CNOT6L: variants seen among roughly 807,000 people sequenced by gnomAD.
CNOT6L encodes CCR4-NOT transcription complex subunit 6 like.
In CNOT6L, 7 loss-of-function variants were observed where a neutral mutation model predicts 64.0. The observed-to-expected ratio is 0.11, with a 90% CI of 0.06 to 0.21. The LOEUF is 0.21. Ranked by LOEUF, CNOT6L falls within the 10% of genes least tolerant of loss-of-function variation. CNOT6L has a pLI of 1.00. For missense variants in CNOT6L, 245 were observed against 669.0 expected, an observed-to-expected ratio of 0.37 and a Z score of 6.99; for synonymous variants, 193 against 243.4, an observed-to-expected ratio of 0.79 and a Z score of 1.93.
chr4:77,819,398 C>G (rs1462007567), upstream of CNOT6L: 14 of 1,606,068 alleles, frequency 8.7e-6, no homozygotes, highest in Admixed American at 8.4e-5. Context: ...CGCACCAGGC[C>G]CCCACAGATG....
At chr4:77,774,345 C>T (rs1209633950) in intron 3 of CNOT6L, among the ~76,000 whole-genome samples, 185 bp downstream of exon 3, 2 of 152,148 alleles carry the variant, frequency 1.3e-5, no homozygotes, top group East Asian at 3.9e-4. Context: ...CACTCTAATT[C>T]AGGAACCTCC....
At chr4:77,790,875 G>T (rs1337366181) in intron 1 of CNOT6L, among the ~76,000 whole-genome samples, 1 of 149,866 alleles carries the variant, frequency 6.7e-6, no homozygotes, top group African/African-American at 2.5e-5. Flanking sequence ...GGCCAGGCTG[G>T]TCTCGAACAC....
chr4:77,737,874 A>T (rs1271946674), intron 8 of CNOT6L, among the ~76,000 whole-genome samples: 93 of 152,336 alleles, frequency 6.1e-4, no homozygotes, highest in African/African-American at 2.2e-3. Flanking sequence ...AGAAATTACC[A>T]GAAGAGTACA....
In CNOT6L at chr4:77,715,034, T is replaced by C. The variant is rs1351768922; in HGVS notation, c.*5397A>G. ...AAGACAATACATCAGTGATTTGAAGTTAATACGAAACTGAAATGAGCAAGA... is the reference window on the plus strand; with the variant it reads ...AAGACAATACATCAGTGATTTGAAGCTAATACGAAACTGAAATGAGCAAGA... On this transcript the variant is annotated 3_prime_UTR_variant, in exon 12 of 12. Transcript: ENST00000504123. 2 of 152,152 alleles carry C rather than the reference T, an allele frequency of 1.3e-5. No individual in the cohort carries two copies. Among genetic ancestry groups the C allele is most frequent in the African/African-American group, 4.8e-5 (2 of 41,420 alleles). The allele number at this position is 152,152 out of a possible 1,614,324, so 9.4% of individuals were successfully genotyped here. A position where few individuals can be genotyped will look rare whatever the true frequency, so the allele number is the denominator to read the frequency against.
chr4:77,815,156 C>A (rs1353803280), intron 1 of CNOT6L, among the ~76,000 whole-genome samples: 2 of 151,920 alleles, frequency 1.3e-5, no homozygotes, highest in Admixed American at 1.3e-4. Flanking sequence ...GAAGAAAATT[C>A]AAAAAATGTG....
intron 1 of CNOT6L, among the ~76,000 whole-genome samples, chr4:77,793,855 AATTTTAT>A (rs1278417534): frequency 6.6e-5 from 10 of 152,094 alleles, no homozygotes; most frequent in Non-Finnish European, 1.2e-4. Context: ...AATTTTTGTT[AATTTTAT>A]ATAGCCAGCT....
At position 77,748,380 on chromosome 4, in the gene CNOT6L, A is replaced by T; in HGVS notation, c.495T>A (p.His165Gln). The change falls in exon 6 of 12, where the codon CAT (histidine) becomes CAA (glutamine). Residue 165 changes from histidine (H) to glutamine (Q), a missense_variant. Physicochemically the swap from His to Gln is conservative, Grantham distance 24. Around this residue, in one of 10 missense-constraint regions of CNOT6L, gnomAD observed 94 missense variants for 290.9 expected, o/e 0.32. Transcript: ENST00000504123. ...LNFMLDNLAVHPEQLPPRPWI... is the reference protein window; with the variant it reads ...LNFMLDNLAVQPEQLPPRPWI... ...ATGGCCTCGGAGGAAGCTGCTCTGG[A>T]TGAACTGAAAAAAATTTTGTAAATA... The T allele has an allele frequency of 6.2e-7, 1 of 1,610,246 alleles. No homozygotes were observed. The highest frequency in any genetic ancestry group is 8.5e-7 in the Non-Finnish European group (1 of 1,177,284).
chr4:77,714,388 GACCAAC>G lies in CNOT6L; in HGVS notation c.*6037_*6042del, dbSNP rs1461844190. ...ATATAAATTAATCGATGGTGAATTT[GACCAAC>G]ACCCTGGCCCTTATAGAGAGAAAAA... On this transcript the variant is annotated 3_prime_UTR_variant, in exon 12 of 12. Transcript: ENST00000504123. The G allele has an allele frequency of 7.5e-6, 1 of 132,588 alleles. No homozygotes were observed. The highest frequency in any genetic ancestry group is 1.6e-5 in the Non-Finnish European group (1 of 62,774). 8.2% of individuals were successfully genotyped at this position (132,588 alleles called of 1,614,324 possible). A position where few individuals can be genotyped will look rare whatever the true frequency, so the allele number is the denominator to read the frequency against.
intron 8 of CNOT6L, among the ~76,000 whole-genome samples, chr4:77,732,745 C>G (rs1722582203): frequency 6.6e-6 from 1 of 151,936 alleles, no homozygotes; most frequent in African/African-American, 2.4e-5. Flanking sequence ...TTAAGAGCAT[C>G]CCAGGTAGAA....
At chr4:77,732,397 C>CTAAA (rs1722543788) in intron 8 of CNOT6L, among the ~76,000 whole-genome samples, 1 of 152,044 alleles carries the variant, frequency 6.6e-6, no homozygotes, top group Admixed American at 6.6e-5. Flanking sequence ...TCAAAACCTA[C>CTAAA]TAAATACATT....
upstream of CNOT6L, chr4:77,819,456 C>A: frequency 1.3e-6 from 2 of 1,514,936 alleles, no homozygotes; most frequent in Non-Finnish European, 1.8e-6. Context: ...AACACAAACA[C>A]CCACGGCGGG....
rs34864447 is a variant in CNOT6L, at chr4:77,811,874, TAAAAAAAAAAA to T, written c.5+7419_5+7429del. Among the ~76,000 whole-genome samples the T allele has an allele frequency of 2.3e-3, 319 of 140,938 alleles. 1 individual carries two copies. Among genetic ancestry groups the T allele is most frequent in the Admixed American group, 5.0e-3 (72 of 14,330 alleles). 92.5% of individuals were successfully genotyped at this position (140,938 alleles called of 152,430 possible). A position where few individuals can be genotyped will look rare whatever the true frequency, so the allele number is the denominator to read the frequency against. On this transcript the variant is annotated intron_variant, in intron 1 of 11. Coordinates refer to ENST00000504123, the MANE Select transcript of CNOT6L (RefSeq NM_144571.3). ...TAGCCTTTCTCCGCAAGGAGCAGTT[TAAAAAAAAAAA>T]AAAAAAAAATCACAGCTAACATCTA...
At chr4:77,794,017 T>C (rs1730487023) in intron 1 of CNOT6L, among the ~76,000 whole-genome samples, 1 of 151,080 alleles carries the variant, frequency 6.6e-6, no homozygotes, top group South Asian at 2.1e-4. Context: ...CCGGGCATGG[T>C]AGTGGGCACC....
At chr4:77,723,282 ATGAATC>A (rs1159063276) in intron 11 of CNOT6L, among the ~76,000 whole-genome samples, 1 of 152,198 alleles carries the variant, frequency 6.6e-6, no homozygotes, top group Non-Finnish European at 1.5e-5. Flanking sequence ...TTGCAATTAA[ATGAATC>A]TGAGCTCTAA....
intron 4 of CNOT6L, among the ~76,000 whole-genome samples, chr4:77,760,941 C>G (rs1050964663): frequency 7.5e-6 from 1 of 132,994 alleles, no homozygotes; most frequent in African/African-American, 2.8e-5. Flanking sequence ...TGGTCTTGAT[C>G]TCCTGACCTC....
intron 1 of CNOT6L, among the ~76,000 whole-genome samples, chr4:77,781,875 C>T (rs1220448426): frequency 6.6e-6 from 1 of 152,238 alleles, no homozygotes. Context: ...AAAAATCCTA[C>T]AAGCACCAGA....
chr4:77,781,285 C>T (rs1222028198), intron 1 of CNOT6L, among the ~76,000 whole-genome samples: 1 of 152,072 alleles, frequency 6.6e-6, no homozygotes, highest in African/African-American at 2.4e-5. Context: ...CACTATGGGA[C>T]ATACATACCT....
At chr4:77,797,633 C>A (rs1731020737) in intron 1 of CNOT6L, among the ~76,000 whole-genome samples, 1 of 151,990 alleles carries the variant, frequency 6.6e-6, no homozygotes. Context: ...AAGGGGCTTC[C>A]TTTTTAAGTG....
At chr4:77,777,144 A>G (rs1388515728) in intron 1 of CNOT6L, among the ~76,000 whole-genome samples, 2 of 152,200 alleles carry the variant, frequency 1.3e-5, no homozygotes, top group Admixed American at 1.3e-4. Context: ...AAAGTGTCCT[A>G]ATTAGTATGA....
Sources: allele counts gnomAD v4.1 joint callset (sites outside exome capture counted in the v4.1 genomes callset), GRCh38; gene constraint gnomAD v4.1.1; regional missense constraint gnomAD v4.1.1; transcripts MANE v1.5; gene names NCBI Gene and HGNC (gene_info 2026-07-23, HGNC 2026-07-21).